The following PTPRE variants were observed in gnomAD, a reference collection of about 807,000 sequenced individuals.
PTPRE encodes receptor-type tyrosine-protein phosphatase epsilon.
A neutral mutation model predicts 102.0 loss-of-function variants in PTPRE; 51 were observed. The observed-to-expected ratio is 0.50, with a 90% CI of 0.40 to 0.63. The LOEUF is 0.63. Among genes scored for constraint, PTPRE ranks in the 30% least tolerant of loss-of-function variants. The pLI, the probability that PTPRE is intolerant of heterozygous loss-of-function variation, is 0.00. For synonymous variants in PTPRE, 345 were observed against 348.2 expected, an observed-to-expected ratio of 0.99 and a Z score of 0.10; for missense variants, 752 against 915.1, an observed-to-expected ratio of 0.82 and a Z score of 2.30.
chr10:128,079,736 T>C, intron 20 of PTPRE, 41 bp downstream of exon 20: 1 of 1,579,658 alleles, frequency 6.3e-7, no homozygotes. Flanking sequence ...GAGTGGAGAA[T>C]TATTTCATGT....
At chr10:128,050,061 G>C (rs1848430318) in intron 6 of PTPRE, among the ~76,000 whole-genome samples, 2 of 152,070 alleles carry the variant, frequency 1.3e-5, no homozygotes, top group African/African-American at 4.8e-5. Flanking sequence ...CTGAGAGCTG[G>C]AGCACCTAAT....
intron 2 of PTPRE, among the ~76,000 whole-genome samples, chr10:128,026,816 G>T (rs1396600388): frequency 6.6e-6 from 1 of 152,202 alleles, no homozygotes; most frequent in Non-Finnish European, 1.5e-5. Context: ...TCTGAAACAT[G>T]CTGAGTCAAC....
Position 128,047,411 on chromosome 10 carries a change from C to G in PTPRE, c.131C>G (p.Ser44Cys). ...TTSGPPDPGASQPLLAWLLLP... is the reference protein window; with the variant it reads ...TTSGPPDPGACQPLLAWLLLP... Reference sequence around the variant, plus strand: ...GCAGGCCCTCCGGACCCGGGCGCCTCCCAGCCGCTGCTGGCCTGGCTGCTA... The same window carrying G: ...GCAGGCCCTCCGGACCCGGGCGCCTGCCAGCCGCTGCTGGCCTGGCTGCTA... Residue 44 changes from serine to cysteine, a missense_variant, in exon 4 of 21, where the codon TCC becomes TGC. Physicochemically the swap from Ser to Cys is moderately radical, Grantham distance 112 (BLOSUM62 -1). Around this residue, in one of 2 missense-constraint regions of PTPRE, gnomAD observed 116 missense variants for 90.8 expected, o/e 1.28. Transcript: ENST00000254667. 6.2e-7 allele frequency: 1 copy of G among 1,613,126 alleles called. No individual in the cohort carries two copies. The highest frequency in any genetic ancestry group is 1.1e-5 in the South Asian group (1 of 91,054).
At chr10:128,020,075 T>C (rs1375545709) in intron 2 of PTPRE, among the ~76,000 whole-genome samples, 8 of 144,374 alleles carry the variant, frequency 5.5e-5, no homozygotes, top group East Asian at 4.1e-4. Flanking sequence ...TGTGTGTGTG[T>C]GCGTGCACAT....
intron 2 of PTPRE, among the ~76,000 whole-genome samples, chr10:127,983,185 G>A (rs1851783986): frequency 6.6e-6 from 1 of 152,160 alleles, no homozygotes; most frequent in South Asian, 2.1e-4. Flanking sequence ...TGTTCCATCT[G>A]GGCATAAATG....
At chr10:128,064,192 G>A (rs1159725271) in intron 10 of PTPRE, among the ~76,000 whole-genome samples, 1 of 152,240 alleles carries the variant, frequency 6.6e-6, no homozygotes, top group Non-Finnish European at 1.5e-5. Flanking sequence ...GAGCCCACAG[G>A]AAGGGCAGGC....
At chr10:128,067,910 G>A (rs558853512) in intron 11 of PTPRE, among the ~76,000 whole-genome samples, 2 of 152,222 alleles carry the variant, frequency 1.3e-5, no homozygotes, top group Admixed American at 6.5e-5. Flanking sequence ...CGGTTGCTGC[G>A]GGCCCTGTTC....
Position 127,920,058 on chromosome 10 carries a change from G to T in PTPRE, c.-31+12749G>T, listed in dbSNP as rs116618227. Among the ~76,000 whole-genome samples, 136 of 152,296 alleles carry T rather than the reference G, an allele frequency of 8.9e-4. 1 individual carries two copies. Among genetic ancestry groups the T allele is most frequent in the African/African-American group, 3.2e-3 (134 of 41,572 alleles). On this transcript the variant is annotated intron_variant, in intron 1 of 20. Coordinates refer to ENST00000254667, the MANE Select transcript of PTPRE (RefSeq NM_006504.6). ...TGTCCATTTTTAGCCCTAGCAGGCA[G>T]GAAGTGTGGCCATGCTCTCTCAGGG...
In PTPRE at chr10:127,989,800, C is replaced by G. The variant is rs527799205; in HGVS notation, c.-8+7504C>G. Among the ~76,000 whole-genome samples the G allele has an allele frequency of 3.3e-5, 5 of 152,342 alleles. No individual in the cohort carries two copies. The South Asian group carries it at 1.0e-3, about 32-fold the overall frequency. On this transcript the variant is annotated intron_variant, in intron 2 of 20. Transcript: ENST00000254667. ...ATATTTTGGAACAGTTTTATGATCA[C>G]TTGAGTTGATCTTGGCCAGAGTTCC...
intron 1 of PTPRE, among the ~76,000 whole-genome samples, chr10:127,923,798 G>A (rs1450550252): frequency 2.0e-5 from 3 of 152,122 alleles, no homozygotes; most frequent in Non-Finnish European, 2.9e-5. Flanking sequence ...GTTTACTTCC[G>A]GGTATCTCTG....
At chr10:128,058,676 C>T (rs369860944) in intron 7 of PTPRE, among the ~76,000 whole-genome samples, 1 of 152,180 alleles carries the variant, frequency 6.6e-6, no homozygotes, top group Non-Finnish European at 1.5e-5. Context: ...CCCAGGGTGA[C>T]AGCCCATAGT....
At chr10:128,023,028 G>A (rs74159121) in intron 2 of PTPRE, among the ~76,000 whole-genome samples, 1,840 of 152,296 alleles carry the variant, frequency 0.012, 36 homozygotes, top group African/African-American at 0.042. Flanking sequence ...GCCCCCGTCC[G>A]TGGTTCCACT....
intron 7 of PTPRE, among the ~76,000 whole-genome samples, chr10:128,058,244 GAGTC>G (rs1476999887): frequency 6.6e-6 from 1 of 152,206 alleles, no homozygotes; most frequent in East Asian, 1.9e-4. Flanking sequence ...CCTCACCTGG[GAGTC>G]CCCCACCTGG....
At chr10:128,010,253 A>G (rs1844869120) in intron 2 of PTPRE, among the ~76,000 whole-genome samples, 1 of 152,208 alleles carries the variant, frequency 6.6e-6, no homozygotes, top group Non-Finnish European at 1.5e-5. Flanking sequence ...CCAAATGTAC[A>G]TGAGCGCCCA....
At chr10:127,950,130 A>G (rs1205609701) in intron 1 of PTPRE, among the ~76,000 whole-genome samples, 1 of 151,856 alleles carries the variant, frequency 6.6e-6, no homozygotes, top group East Asian at 1.9e-4. Flanking sequence ...AGGTGGTTAC[A>G]CTCTAAAAGA....
chr10:128,043,125 C>T (rs777562471), intron 3 of PTPRE, among the ~76,000 whole-genome samples: 28 of 151,960 alleles, frequency 1.8e-4, no homozygotes, highest in Non-Finnish European at 3.4e-4. Flanking sequence ...ACAGTTTTTC[C>T]GTGGAATTGG....
intron 2 of PTPRE, among the ~76,000 whole-genome samples, chr10:128,038,656 G>A (rs112851263): frequency 0.014 from 1,774 of 125,292 alleles, 46 homozygotes; most frequent in African/African-American, 0.049. Context: ...GGGGCCTGTC[G>A]TGGGGTGGGG....
intron 2 of PTPRE, among the ~76,000 whole-genome samples, chr10:128,035,409 A>G (rs1366472392): frequency 2.6e-5 from 4 of 152,182 alleles, no homozygotes; most frequent in Non-Finnish European, 5.9e-5. Flanking sequence ...TGGTCAATAA[A>G]TGTTTTAGAG....
chr10:128,079,801 G>A (rs930108875), intron 20 of PTPRE, 106 bp downstream of exon 20: 4 of 1,381,270 alleles, frequency 2.9e-6, no homozygotes. Flanking sequence ...GAGGTGGGAA[G>A]GTAAAATTCC....
Sources: allele counts gnomAD v4.1 joint callset (sites outside exome capture counted in the v4.1 genomes callset), GRCh38; gene constraint gnomAD v4.1.1; regional missense constraint gnomAD v4.1.1; transcripts MANE v1.5; gene names NCBI Gene and HGNC (gene_info 2026-07-23, HGNC 2026-07-21).